The following UNC5C variants were observed in gnomAD, a reference collection of about 807,000 sequenced individuals.
The protein encoded by UNC5C is unc-5 netrin receptor C, also known as netrin receptor UNC5C.
Under a neutral mutation model 99.8 loss-of-function variants are expected in UNC5C, and 47 were observed. The ratio of observed to expected loss-of-function variants is 0.47; its 90% CI spans 0.37 to 0.60. The LOEUF is 0.60. Among genes scored for constraint, UNC5C ranks in the 20% least tolerant of loss-of-function variants. The pLI is 0.00. For synonymous variants in UNC5C, 487 were observed against 452.2 expected (o/e 1.08, Z -0.98); for missense variants, 1,062 against 1,165.9 (o/e 0.91, Z 1.30).
chr4:95,529,495 G>C (rs542884490), intron 1 of UNC5C, among the ~76,000 whole-genome samples: 2 of 151,872 alleles, frequency 1.3e-5, no homozygotes, highest in African/African-American at 4.8e-5. Context: ...GGGAGCCCAG[G>C]CAGGTACACT....
chr4:95,197,545 G>A (rs1991946), intron 12 of UNC5C, among the ~76,000 whole-genome samples: 93,719 of 151,894 alleles, frequency 0.62, 30,612 homozygotes, highest in Admixed American at 0.77. Flanking sequence ...AGGTTTGGAG[G>A]GTAGAGGACC....
chr4:95,169,007 A>C lies in UNC5C; in HGVS notation c.*227T>G. On this transcript the variant is annotated 3_prime_UTR_variant, in exon 16 of 16. Coordinates refer to ENST00000453304, the MANE Select transcript of UNC5C (RefSeq NM_003728.4). ...AAGAGGAAAATTAGGTTGATAGCTA[A>C]ATTCAAGGTACAAATTTACACAATT... The C allele has an allele frequency of 1.9e-6, 1 of 532,106 alleles. No homozygotes were observed. Among genetic ancestry groups the C allele is most frequent in the East Asian group, 3.0e-5 (1 of 32,896 alleles). 33.0% of individuals were successfully genotyped at this position (532,106 alleles called of 1,614,324 possible). A position where few individuals can be genotyped will look rare whatever the true frequency, so the allele number is the denominator to read the frequency against.
chr4:95,454,601 A>G (rs1747378622), intron 1 of UNC5C, among the ~76,000 whole-genome samples: 1 of 152,108 alleles, frequency 6.6e-6, no homozygotes, highest in Non-Finnish European at 1.5e-5. Flanking sequence ...GTTTCTTGGC[A>G]GCTTTGCAAG....
intron 15 of UNC5C, 84 bp downstream of exon 15, chr4:95,170,070 T>A: frequency 1.3e-6 from 2 of 1,500,416 alleles, no homozygotes; most frequent in South Asian, 1.3e-5. Context: ...GAAAAAAAAA[T>A]GAAGCTAACC....
At chr4:95,372,203 T>C (rs1225174114) in intron 1 of UNC5C, among the ~76,000 whole-genome samples, 1 of 152,200 alleles carries the variant, frequency 6.6e-6, no homozygotes, top group Non-Finnish European at 1.5e-5. Flanking sequence ...TGAGAAGAAA[T>C]TCACTAAATA....
At chr4:95,318,877 A>G (rs370572123) in intron 2 of UNC5C, among the ~76,000 whole-genome samples, 7 of 152,318 alleles carry the variant, frequency 4.6e-5, no homozygotes, top group African/African-American at 1.7e-4. Context: ...GTAACTCTAT[A>G]CCATAGGACT....
At chr4:95,385,133 C>A (rs1745178382) in intron 1 of UNC5C, among the ~76,000 whole-genome samples, 2 of 152,072 alleles carry the variant, frequency 1.3e-5, no homozygotes, top group African/African-American at 4.8e-5. Flanking sequence ...TTCATATTAT[C>A]CATTCACAGT....
At chr4:95,506,374 C>T (rs994195999) in intron 1 of UNC5C, among the ~76,000 whole-genome samples, 1 of 151,868 alleles carries the variant, frequency 6.6e-6, no homozygotes, top group African/African-American at 2.4e-5. Flanking sequence ...GACTGATGCC[C>T]AATAGCACAG....
chr4:95,414,400 C>G (rs2149453268), intron 1 of UNC5C, among the ~76,000 whole-genome samples: 1 of 152,312 alleles, frequency 6.6e-6, no homozygotes, highest in East Asian at 1.9e-4. Context: ...TCCCCAGACA[C>G]AAGCTGAGTA....
intron 1 of UNC5C, among the ~76,000 whole-genome samples, chr4:95,535,082 T>A (rs1445341063): frequency 6.6e-6 from 1 of 152,174 alleles, no homozygotes; most frequent in Admixed American, 6.5e-5. Flanking sequence ...TTCATTAAAA[T>A]TTATGAAGTA....
intron 1 of UNC5C, among the ~76,000 whole-genome samples, chr4:95,493,849 T>C (rs1721566166): frequency 6.6e-6 from 1 of 151,496 alleles, no homozygotes; most frequent in South Asian, 2.1e-4. Flanking sequence ...AATTCTGCTA[T>C]ATTAATAAAC....
chr4:95,165,916 T>A lies in UNC5C; in HGVS notation c.*3318A>T, dbSNP rs1735841073. 1 of 152,194 alleles carries A rather than the reference T, an allele frequency of 6.6e-6. No individual in the cohort carries two copies. The highest frequency in any genetic ancestry group is 2.1e-4 in the South Asian group (1 of 4,828). 9.4% of individuals were successfully genotyped at this position (152,194 alleles called of 1,614,324 possible). The stretch of plus-strand genomic sequence containing the variant: ...GATATGTTGTGTATGAATGAGTTGA[T>A]GTACTGGGCTCACAGTGACCTAATA... On this transcript the variant is annotated 3_prime_UTR_variant, in exon 16 of 16. Transcript: ENST00000453304.
At chr4:95,480,495 C>T (rs1721104805) in intron 1 of UNC5C, among the ~76,000 whole-genome samples, 1 of 151,914 alleles carries the variant, frequency 6.6e-6, no homozygotes, top group African/African-American at 2.4e-5. Flanking sequence ...AAAGACCACC[C>T]TATGTCATTT....
chr4:95,206,901 T>TA (rs1737898634), intron 10 of UNC5C, 105 bp from the exon 11 acceptor site: 1,498 of 847,820 alleles, frequency 1.8e-3, no homozygotes, highest in Non-Finnish European at 2.2e-3. Flanking sequence ...CTCCTGGAAT[T>TA]CTTTTTTTTT....
chr4:95,182,931 C>G lies in UNC5C; in HGVS notation c.2417G>C (p.Gly806Ala). ...GGTGCAGTTGAGCTGGAAGATCTGC[C>G]CTTCTCCTTCCACCTGCCGCACACA... Reference protein sequence around the residue: ...KLCVRQVEGEGQIFQLNCTVS... With the variant: ...KLCVRQVEGEAQIFQLNCTVS... The change falls in exon 14 of 16, where the codon GGG becomes GCG. Residue 806 changes from glycine (G) to alanine (A), a missense_variant. Physicochemically the swap from Gly to Ala is moderately conservative, Grantham distance 60. This residue lies in a region of UNC5C where 810 missense variants were observed against 854.5 expected (regional missense o/e 0.95). Transcript: ENST00000453304. 6.2e-7 allele frequency: 1 copy of G among 1,613,802 alleles called. No homozygotes were observed. The highest frequency in any genetic ancestry group is 8.5e-7 in the Non-Finnish European group (1 of 1,179,804).
intron 1 of UNC5C, among the ~76,000 whole-genome samples, chr4:95,493,723 G>C (rs1229363794): frequency 6.6e-6 from 1 of 151,326 alleles, no homozygotes; most frequent in Non-Finnish European, 1.5e-5. Context: ...ACTGGGCTAG[G>C]AATTTAAGAA....
chr4:95,174,226 T>C (rs997939247), intron 14 of UNC5C, among the ~76,000 whole-genome samples: 3 of 152,140 alleles, frequency 2.0e-5, no homozygotes, highest in African/African-American at 7.2e-5. Flanking sequence ...AAGGGTTTTT[T>C]GTGTCTCTAT....
At chr4:95,331,154 CT>C (rs1178783329) in intron 2 of UNC5C, among the ~76,000 whole-genome samples, 1 of 152,034 alleles carries the variant, frequency 6.6e-6, no homozygotes, top group African/African-American at 2.4e-5. Context: ...TGGTTTCAGT[CT>C]TTTTTATGGA....
chr4:95,235,526 G>A (rs963304555), intron 7 of UNC5C, among the ~76,000 whole-genome samples: 1 of 152,130 alleles, frequency 6.6e-6, no homozygotes, highest in Admixed American at 6.5e-5. Context: ...TGTTGCCATT[G>A]CTTTTGGTGT....
Sources: allele counts gnomAD v4.1 joint callset (sites outside exome capture counted in the v4.1 genomes callset), GRCh38; gene constraint gnomAD v4.1.1; regional missense constraint gnomAD v4.1.1; transcripts MANE v1.5; gene names NCBI Gene and HGNC (gene_info 2026-07-23, HGNC 2026-07-21).